The following NXPE2 variants were observed in gnomAD, a reference collection of about 807,000 sequenced individuals.
NXPE2 encodes NXPE family member 2.
Under a neutral mutation model 34.4 loss-of-function variants are expected in NXPE2, and 34 were observed. The ratio of observed to expected loss-of-function variants is 0.99; its 90% CI spans 0.75 to 1.31. NXPE2 has a LOEUF of 1.31. Ranked by LOEUF, NXPE2 falls within the 40% of genes most tolerant of loss-of-function variation. NXPE2 has a pLI of 0.00. For missense variants in NXPE2, 649 were observed against 672.5 expected (o/e 0.97, Z 0.39); for synonymous variants, 235 against 231.3 (o/e 1.02, Z -0.15).
the NXPE2 span, among the ~76,000 whole-genome samples, chr11:114,601,399 G>C: frequency 7.1e-6 from 1 of 139,986 alleles, no homozygotes; most frequent in South Asian, 2.1e-4. Flanking sequence ...AGTTCCATCC[G>C]TGTTGCTGCA....
the NXPE2 span, among the ~76,000 whole-genome samples, chr11:114,662,770 G>T: frequency 2.0e-5 from 3 of 152,124 alleles, no homozygotes; most frequent in African/African-American, 7.2e-5. Flanking sequence ...CCTAGCTCCC[G>T]AGTGACATTT....
the NXPE2 span, among the ~76,000 whole-genome samples, chr11:114,803,702 G>A: frequency 0.029 from 4,410 of 151,882 alleles, 66 homozygotes; most frequent in Middle Eastern, 0.044. Context: ...TCAGCCTCCC[G>A]AGTAGCTGGG....
At chr11:114,775,595 C>T in the NXPE2 span, among the ~76,000 whole-genome samples, 9 of 152,198 alleles carry the variant, frequency 5.9e-5, no homozygotes, top group Non-Finnish European at 8.8e-5. Context: ...TAGCGCCTGG[C>T]ATGTAGGTGT....
chr11:114,793,698 A>T, the NXPE2 span, among the ~76,000 whole-genome samples: 3 of 152,184 alleles, frequency 2.0e-5, no homozygotes, highest in South Asian at 6.2e-4. Context: ...GGAAATGAGG[A>T]GCGAAAGGCC....
the NXPE2 span, among the ~76,000 whole-genome samples, chr11:114,603,154 C>T: frequency 2.2e-4 from 33 of 151,426 alleles, no homozygotes; most frequent in African/African-American, 6.8e-4. Context: ...GCCTTGTCTC[C>T]TAGGTAACTA....
chr11:114,551,823 C>T, the NXPE2 span, among the ~76,000 whole-genome samples: 1 of 152,092 alleles, frequency 6.6e-6, no homozygotes, highest in Non-Finnish European at 1.5e-5. Flanking sequence ...TAGAAAGAGA[C>T]AATGAGGGAG....
the NXPE2 span, among the ~76,000 whole-genome samples, chr11:114,471,836 T>C: frequency 6.6e-6 from 1 of 152,320 alleles, no homozygotes; most frequent in African/African-American, 2.4e-5. Flanking sequence ...TGAGGAAATG[T>C]AATGTTTCCT....
the NXPE2 span, among the ~76,000 whole-genome samples, chr11:114,712,655 T>C: frequency 1.3e-5 from 2 of 152,194 alleles, no homozygotes; most frequent in Non-Finnish European, 2.9e-5. Flanking sequence ...GGAACCTTTG[T>C]GCACTGTGAG....
the NXPE2 span, among the ~76,000 whole-genome samples, chr11:114,579,614 A>T: frequency 6.6e-6 from 1 of 152,220 alleles, no homozygotes; most frequent in East Asian, 1.9e-4. Context: ...TTATGTAAGA[A>T]ACAATATTCT....
the NXPE2 span, among the ~76,000 whole-genome samples, chr11:114,568,354 C>G: frequency 1.4e-4 from 22 of 152,236 alleles, no homozygotes; most frequent in African/African-American, 5.1e-4. Flanking sequence ...GAAAGTCACT[C>G]TATTAATAGA....
the NXPE2 span, among the ~76,000 whole-genome samples, chr11:114,754,128 C>T: frequency 6.6e-6 from 1 of 152,128 alleles, no homozygotes; most frequent in East Asian, 1.9e-4. Flanking sequence ...AGAGAAAATA[C>T]TATAATGATT....
chr11:114,489,271 A>G, the NXPE2 span, among the ~76,000 whole-genome samples: 1 of 152,210 alleles, frequency 6.6e-6, no homozygotes, highest in Admixed American at 6.5e-5. Flanking sequence ...GCCGAATTCT[A>G]CCAGAGGTAC....
the NXPE2 span, among the ~76,000 whole-genome samples, chr11:114,777,315 A>T: frequency 6.6e-6 from 1 of 152,256 alleles, no homozygotes; most frequent in African/African-American, 2.4e-5. Flanking sequence ...ATGGTGACCC[A>T]GGATACCTTG....
the NXPE2 span, among the ~76,000 whole-genome samples, chr11:114,635,670 C>A: frequency 1.4e-3 from 209 of 148,838 alleles, no homozygotes; most frequent in Middle Eastern, 3.4e-3. Flanking sequence ...AGTTTTTAGC[C>A]TGAAGTATTG....
chr11:114,632,509 A>C, the NXPE2 span, among the ~76,000 whole-genome samples: 1 of 124,254 alleles, frequency 8.0e-6, no homozygotes, highest in Non-Finnish European at 1.6e-5. Context: ...ATAGTATTTT[A>C]TTTTATATTA....
the NXPE2 span, among the ~76,000 whole-genome samples, chr11:114,757,208 G>A: frequency 1.3e-5 from 2 of 152,002 alleles, no homozygotes; most frequent in African/African-American, 4.8e-5. Flanking sequence ...GCACTCAGTA[G>A]AATTTAGTTT....
the NXPE2 span, among the ~76,000 whole-genome samples, chr11:114,672,142 C>G: frequency 6.6e-6 from 1 of 151,934 alleles, no homozygotes; most frequent in Non-Finnish European, 1.5e-5. Context: ...GGAAGTCCAC[C>G]CCCATGATTC....
chr11:114,538,430 G>C, the NXPE2 span, among the ~76,000 whole-genome samples: 3 of 152,242 alleles, frequency 2.0e-5, no homozygotes, highest in African/African-American at 7.2e-5. Flanking sequence ...TTGACAAATG[G>C]GATCTAATTA....
At chr11:114,777,914 G>A in the NXPE2 span, among the ~76,000 whole-genome samples, 3 of 152,318 alleles carry the variant, frequency 2.0e-5, no homozygotes, top group Admixed American at 6.5e-5. Flanking sequence ...TTCTGAGTGA[G>A]CAACTGAGCA....
Sources: gnomAD v4.1 joint callset for allele counts (sites outside exome capture counted in the v4.1 genomes callset) on GRCh38, gnomAD v4.1.1 for gene constraint, MANE v1.5 for transcripts, NCBI Gene and HGNC (gene_info 2026-07-23, HGNC 2026-07-21) for gene names.